XDH: variants seen among roughly 807,000 people sequenced by gnomAD.
XDH encodes xanthine dehydrogenase.
A neutral mutation model predicts 156.1 loss-of-function variants in XDH; 138 were observed. The ratio of observed to expected loss-of-function variants is 0.88; its 90% confidence interval spans 0.77 to 1.02. The LOEUF (loss-of-function observed/expected upper bound fraction) is 1.02, where lower values mean the gene tolerates loss of function less well. Ranked by LOEUF, XDH falls within the 50% of genes least tolerant of loss-of-function variation. The pLI is 0.00. For synonymous variants in XDH, 669 were observed against 625.7 expected, an observed-to-expected ratio of 1.07 and a Z score of -1.03; for missense variants, 1,849 against 1,684.9, an observed-to-expected ratio of 1.10 and a Z score of -1.71.
In XDH at chr2:31,403,429, G is replaced by C. The variant is rs1158915995; in HGVS notation, c.101-285C>G. Among the ~76,000 whole-genome samples, 13 of 152,270 alleles carry C rather than the reference G, an allele frequency of 8.5e-5. 2 individuals are homozygous for C. The highest frequency in any genetic ancestry group is 3.4e-3 in the Middle Eastern group (1 of 294). On this transcript the variant is annotated intron_variant, in intron 2 of 35. Transcript: ENST00000379416. Reference sequence around the variant, plus strand: ...CTCTTGGGACATGAGTTCTAGGACTGGTCAGTCCTAGAGCCTTCTCTTGGG... The same window carrying C: ...CTCTTGGGACATGAGTTCTAGGACTCGTCAGTCCTAGAGCCTTCTCTTGGG...
rs966900952 is a variant in XDH at position 31,335,521 on chromosome 2, G to A, written c.*437C>T. On this transcript the variant is annotated 3_prime_UTR_variant, in exon 36 of 36. Coordinates refer to ENST00000379416, the MANE Select transcript of XDH (RefSeq NM_000379.4). ...CAAGGTTATGCTTTGCTGTTCATTGGTTTGAAGGCCAGGCTTTCACAGGAA... is the reference window on the plus strand; with the variant it reads ...CAAGGTTATGCTTTGCTGTTCATTGATTTGAAGGCCAGGCTTTCACAGGAA... The A allele has an allele frequency of 6.3e-5, 17 of 268,872 alleles. No individual in the cohort carries two copies. Among genetic ancestry groups the A allele is most frequent in the Middle Eastern group, 2.7e-3 (2 of 740 alleles). 16.7% of individuals were successfully genotyped at this position (268,872 alleles called of 1,614,324 possible).
chr2:31,347,644 T>A lies in XDH; in HGVS notation c.3154A>T (p.Ser1052Cys). Reference sequence around the variant, plus strand: ...GAGGTGGGGATTTTCAGAGCTCTACTGGCCACCTGCGAAAAGAGAAGACAT... The same window carrying A: ...GAGGTGGGGATTTTCAGAGCTCTACAGGCCACCTGCGAAAAGAGAAGACAT... ...GLHTKMVQVASRALKIPTSKI... is the reference protein window; with the variant it reads ...GLHTKMVQVACRALKIPTSKI... The change falls in exon 29 of 36, where the codon AGT (serine) becomes TGT (cysteine). Residue 1052 changes from serine (S) to cysteine (C), a missense_variant. By Grantham distance (112) the Ser-to-Cys change is moderately radical. Transcript: ENST00000379416. 6.2e-7 allele frequency: 1 copy of A among 1,613,680 alleles called. No individual in the cohort carries two copies.
intron 21 of XDH, 37 bp from the exon 22 acceptor site, chr2:31,366,146 T>C (rs761897250): frequency 6.2e-7 from 1 of 1,614,214 alleles, no homozygotes; most frequent in East Asian, 2.2e-5. Context: ...ACTGAATGCA[T>C]TACCTGAACT....
chr2:31,368,450 G>C (rs772536180), intron 19 of XDH, 91 bp downstream of exon 19: 6 of 1,530,006 alleles, frequency 3.9e-6, no homozygotes, highest in Non-Finnish European at 5.4e-6. Context: ...ATCCCTACCT[G>C]CTGCTCAAAT....
At chr2:31,398,502 G>A (rs1686971569) in intron 5 of XDH, 71 bp downstream of exon 5, 2 of 1,608,868 alleles carry the variant, frequency 1.2e-6, no homozygotes, top group African/African-American at 1.3e-5. Flanking sequence ...TTCTCACCCT[G>A]GCACTTGCCC....
intron 4 of XDH, among the ~76,000 whole-genome samples, chr2:31,400,574 T>G (rs1687031024): frequency 6.6e-6 from 1 of 152,298 alleles, no homozygotes; most frequent in East Asian, 1.9e-4. Context: ...GCATCCTGAT[T>G]GTCTCCCCAA....
At chr2:31,356,694 G>A (rs1317769413) in intron 24 of XDH, among the ~76,000 whole-genome samples, 2 of 152,132 alleles carry the variant, frequency 1.3e-5, no homozygotes, top group East Asian at 1.9e-4. Context: ...ATAAATGTTC[G>A]TTATTTTAAG....
chr2:31,373,836 A>G (rs772032506), intron 16 of XDH, 37 bp downstream of exon 16: 19 of 1,609,974 alleles, frequency 1.2e-5, no homozygotes, highest in Non-Finnish European at 1.4e-5. Flanking sequence ...TGGCCTGCAA[A>G]GTCCCCTGAT....
At chr2:31,401,104 G>T in intron 4 of XDH, 116 bp downstream of exon 4, 1 of 1,175,844 alleles carries the variant, frequency 8.5e-7, no homozygotes, top group Non-Finnish European at 1.2e-6. Flanking sequence ...TGCCTTCTTA[G>T]ATTAAGCAGT....
intron 6 of XDH, among the ~76,000 whole-genome samples, chr2:31,388,982 C>T (rs1329144963): frequency 3.9e-5 from 6 of 152,204 alleles, no homozygotes; most frequent in African/African-American, 9.6e-5. Context: ...TCTAGAATCA[C>T]TACCACCCAG....
intron 14 of XDH, among the ~76,000 whole-genome samples, chr2:31,375,999 G>C (rs570923430): frequency 6.6e-6 from 1 of 152,162 alleles, no homozygotes; most frequent in East Asian, 1.9e-4. Context: ...CAAACTCCAA[G>C]TTAAGCTTTA....
intron 1 of XDH, 95 bp from the exon 2 acceptor site, chr2:31,406,059 T>C: frequency 7.4e-7 from 1 of 1,351,158 alleles, no homozygotes. Flanking sequence ...CAATAATTTG[T>C]AGAGTTAGTA....
Position 31,388,080 on chromosome 2 carries a change from C to CACCA in XDH, c.564+143_564+146dup, listed in dbSNP as rs1686662006. ...AGTTACAGGACCCGGGGCTAACGTG[C>CACCA]ACCATCACCATCCCCACAGTCTGCC... On this transcript the variant is annotated intron_variant, in intron 7 of 35. Transcript: ENST00000379416. 4.7e-5 allele frequency: 50 copies of CACCA among 1,060,542 alleles called. 2 individuals are homozygous for CACCA. The South Asian group carries it at 6.7e-4, about 14-fold the overall frequency. 65.7% of individuals were successfully genotyped at this position (1,060,542 alleles called of 1,614,324 possible).
At chr2:31,411,595 A>C (rs1379078249) in intron 1 of XDH, among the ~76,000 whole-genome samples, 2 of 152,166 alleles carry the variant, frequency 1.3e-5, no homozygotes, top group Non-Finnish European at 2.9e-5. Context: ...ATATAAAATA[A>C]TTGTAAAATA....
chr2:31,370,450 CCTT>C lies in XDH; in HGVS notation c.1882_1884del (p.Lys628del), dbSNP rs1558691117. On this transcript the variant is annotated inframe_deletion, in exon 18 of 36. Transcript: ENST00000379416. ...GAAATGAAACAAACAAACCCTGGAA[CCTT>C]CTTAGCTTCTGATGTATCTATGGAC... 1 of 1,614,056 alleles carries C rather than the reference CCTT, an allele frequency of 6.2e-7. No homozygotes were observed. The highest frequency in any genetic ancestry group is 1.3e-5 in the African/African-American group (1 of 74,922).
At chr2:31,390,051 T>C (rs761795398) in intron 6 of XDH, among the ~76,000 whole-genome samples, 2 of 152,188 alleles carry the variant, frequency 1.3e-5, no homozygotes, top group Non-Finnish European at 2.9e-5. Context: ...ACATGAAGGT[T>C]CACTCTTGGT....
intron 16 of XDH, 36 bp from the exon 17 acceptor site, chr2:31,372,433 C>T (rs1686099635): frequency 6.2e-7 from 1 of 1,613,312 alleles, no homozygotes; most frequent in Admixed American, 1.7e-5. Flanking sequence ...GGTGAGCTGC[C>T]AAGGACACTG....
At position 31,366,991 on chromosome 2, in the gene XDH, T is replaced by A. The variant is rs1685931810; in HGVS notation, c.2201A>T (p.Glu734Val). 2.5e-6 allele frequency: 4 copies of A among 1,614,020 alleles called. No individual in the cohort carries two copies. The highest frequency in any genetic ancestry group is 3.4e-6 in the Non-Finnish European group (4 of 1,179,990). ...GTGCTCTTGGCCACCGATGTATATC[T>A]CCCCTGGGGAAGCAGTGAGATCCCT... ...FSEADNVVSG[E>V]IYIGGQEHFY... is the part of the protein sequence containing the mutation. The change falls in exon 21 of 36, where the codon GAG becomes GTG. Residue 734 changes from glutamate to valine, a missense_variant. Transcript: ENST00000379416.
intron 1 of XDH, among the ~76,000 whole-genome samples, chr2:31,411,623 T>C (rs1687344856): frequency 6.6e-6 from 1 of 152,290 alleles, no homozygotes; most frequent in East Asian, 1.9e-4. Context: ...AGAGAAGTAA[T>C]TTATTTACTA....
Sources: allele counts gnomAD v4.1 joint callset (sites outside exome capture counted in the v4.1 genomes callset), GRCh38; gene constraint gnomAD v4.1.1; transcripts MANE v1.5; gene names NCBI Gene and HGNC (gene_info 2026-07-23, HGNC 2026-07-21).